CSMD1: variants seen among roughly 807,000 people sequenced by gnomAD.
CSMD1 encodes CUB and Sushi multiple domains 1.
A neutral mutation model predicts 417.5 loss-of-function variants in CSMD1; 213 were observed. The observed-to-expected ratio is 0.51, with a 90% CI of 0.46 to 0.57. The LOEUF is 0.57. Ranked by LOEUF, CSMD1 falls within the 20% of genes least tolerant of loss-of-function variation. CSMD1 has a pLI of 0.00. For synonymous variants in CSMD1, 2,862 were observed against 1,736.8 expected (o/e 1.65, Z -16.11); for missense variants, 6,923 against 4,529.7 (o/e 1.53, Z -15.17).
chr8:4,529,030 T>G (rs956743050), intron 2 of CSMD1, among the ~76,000 whole-genome samples: 1 of 152,170 alleles, frequency 6.6e-6, no homozygotes, highest in African/African-American at 2.4e-5. Context: ...TGATGATATA[T>G]GTGAGACGGT....
chr8:3,752,348 T>C (rs1406717151), intron 6 of CSMD1, among the ~76,000 whole-genome samples: 1 of 152,128 alleles, frequency 6.6e-6, no homozygotes, highest in Non-Finnish European at 1.5e-5. Context: ...ACAATGTTCC[T>C]GATGAAGTCT....
chr8:4,559,431 T>A (rs1173759414), intron 2 of CSMD1, among the ~76,000 whole-genome samples: 1 of 152,198 alleles, frequency 6.6e-6, no homozygotes, highest in Admixed American at 6.5e-5. Context: ...TTGGAGGCTT[T>A]ATGAATAAAG....
At chr8:4,704,205 G>T (rs1030387630) in intron 1 of CSMD1, among the ~76,000 whole-genome samples, 2 of 152,196 alleles carry the variant, frequency 1.3e-5, no homozygotes, top group Non-Finnish European at 2.9e-5. Flanking sequence ...TACGCTGGTA[G>T]CACCTTACAT....
At chr8:3,898,708 G>T (rs963491487) in intron 5 of CSMD1, among the ~76,000 whole-genome samples, 1 of 152,174 alleles carries the variant, frequency 6.6e-6, no homozygotes, top group African/African-American at 2.4e-5. Flanking sequence ...ATGGACAGGT[G>T]TAGGAATTCC....
At chr8:4,481,709 C>T (rs932573551) in intron 2 of CSMD1, among the ~76,000 whole-genome samples, 1 of 152,126 alleles carries the variant, frequency 6.6e-6, no homozygotes, top group Admixed American at 6.6e-5. Flanking sequence ...TGGTTTGTTC[C>T]ATATATTAGA....
chr8:4,698,295 C>G (rs1257583808), intron 1 of CSMD1, among the ~76,000 whole-genome samples: 1 of 152,088 alleles, frequency 6.6e-6, no homozygotes, highest in Non-Finnish European at 1.5e-5. Context: ...AGGCTCGTTT[C>G]AAATGAGTTT....
At chr8:4,384,992 T>G (rs1196959496) in intron 3 of CSMD1, among the ~76,000 whole-genome samples, 4 of 152,190 alleles carry the variant, frequency 2.6e-5, no homozygotes, top group African/African-American at 9.6e-5. Context: ...GCAATCTCGA[T>G]CTCGGCTCAA....
intron 3 of CSMD1, among the ~76,000 whole-genome samples, chr8:4,406,134 C>T (rs907511939): frequency 5.3e-5 from 8 of 152,172 alleles, no homozygotes; most frequent in African/African-American, 1.9e-4. Flanking sequence ...TGTCAGATGG[C>T]AGTGAGCATA....
Position 4,284,857 on chromosome 8 carries a change from CA to C in CSMD1, c.415+135095del, listed in dbSNP as rs112236122. Among the ~76,000 whole-genome samples the C allele has an allele frequency of 4.4e-3, 670 of 150,998 alleles. 5 individuals carry two copies. The highest frequency in any genetic ancestry group is 0.015 in the African/African-American group (618 of 41,178). On this transcript the variant is annotated intron_variant, in intron 3 of 69. Transcript: ENST00000635120. Reference sequence around the variant, plus strand: ...ACAAAACAAAACAAAGAAACAAAAACAAAAAAAAACTAGTTTAAAAAACACT... The same window carrying C: ...ACAAAACAAAACAAAGAAACAAAAACAAAAAAAACTAGTTTAAAAAACACT...
intron 3 of CSMD1, among the ~76,000 whole-genome samples, chr8:4,078,783 C>A (rs1039438917): frequency 6.7e-6 from 1 of 150,032 alleles, no homozygotes; most frequent in African/African-American, 2.5e-5. Context: ...CACCTGTAAT[C>A]CTAGCACTTT....
At chr8:3,695,455 A>T (rs1468812314) in intron 7 of CSMD1, among the ~76,000 whole-genome samples, 1 of 152,160 alleles carries the variant, frequency 6.6e-6, no homozygotes, top group Non-Finnish European at 1.5e-5. Flanking sequence ...TATTAATATA[A>T]AATCATGAGA....
intron 12 of CSMD1, among the ~76,000 whole-genome samples, chr8:3,462,801 T>C (rs1314068494): frequency 2.6e-5 from 4 of 152,170 alleles, no homozygotes; most frequent in African/African-American, 9.7e-5. Context: ...GGGACTCTTA[T>C]CTAAGAACCT....
chr8:4,978,240 T>G (rs1231944879), intron 1 of CSMD1, among the ~76,000 whole-genome samples: 1 of 152,156 alleles, frequency 6.6e-6, no homozygotes, highest in Non-Finnish European at 1.5e-5. Flanking sequence ...TAAGATATAA[T>G]TGCAGGTGTT....
chr8:3,987,064 A>C (rs745743419), intron 5 of CSMD1, among the ~76,000 whole-genome samples: 1 of 152,130 alleles, frequency 6.6e-6, no homozygotes, highest in Non-Finnish European at 1.5e-5. Context: ...CAAAATGTTA[A>C]AGTGATTTCT....
intron 2 of CSMD1, among the ~76,000 whole-genome samples, chr8:4,499,957 G>GA (rs1166660078): frequency 6.6e-6 from 1 of 152,022 alleles, no homozygotes; most frequent in Non-Finnish European, 1.5e-5. Flanking sequence ...TGCATGGAAA[G>GA]AAAAAAAGCA....
intron 7 of CSMD1, among the ~76,000 whole-genome samples, chr8:3,687,458 T>C (rs891418669): frequency 4.6e-4 from 70 of 152,228 alleles, no homozygotes; most frequent in African/African-American, 1.6e-3. Flanking sequence ...AGAGCCTTTA[T>C]TGAGAAAGCA....
chr8:4,017,595 C>T lies in CSMD1; in HGVS notation c.610+14310G>A, dbSNP rs117028650. Among the ~76,000 whole-genome samples the T allele has an allele frequency of 3.9e-5, 6 of 152,104 alleles. 1 individual carries two copies. Among genetic ancestry groups the T allele is most frequent in the East Asian group, 1.9e-4 (1 of 5,196 alleles). The stretch of plus-strand genomic sequence containing the variant: ...TGCTGGAATTACAGGCGTGAGCCAC[C>T]GTGCCCAGCTGCCACCTCGTTTATA... On this transcript the variant is annotated intron_variant, in intron 4 of 69. Transcript: ENST00000635120.
In CSMD1 at chr8:4,444,346, C is replaced by CAAAAAAAAAAAAA. The variant is rs112028005; in HGVS notation, c.303-24294_303-24282dup. Reference sequence around the variant, plus strand: ...TGGGCTACAGAGTGAGACTCCATCTCAAAAAAAAAAAAAAAAAAAAAAAAA... The same window carrying CAAAAAAAAAAAAA: ...TGGGCTACAGAGTGAGACTCCATCTCAAAAAAAAAAAAAAAAAAAAAAAAAAAAAAAAAAAAAA... On this transcript the variant is annotated intron_variant, in intron 2 of 69. Coordinates refer to ENST00000635120, the MANE Select transcript of CSMD1 (RefSeq NM_033225.6). 8.6e-4 allele frequency among the ~76,000 whole-genome samples: 40 copies of CAAAAAAAAAAAAA among 46,274 alleles called. 3 individuals carry two copies. Among genetic ancestry groups the CAAAAAAAAAAAAA allele is most frequent in the African/African-American group, 2.2e-3 (31 of 14,100 alleles). The allele number at this position is 46,274 out of a possible 152,430, so 30.4% of individuals were successfully genotyped here. A position where few individuals can be genotyped will look rare whatever the true frequency, so the allele number is the denominator to read the frequency against.
At chr8:3,863,991 G>T (rs745906351) in intron 5 of CSMD1, among the ~76,000 whole-genome samples, 1 of 152,132 alleles carries the variant, frequency 6.6e-6, no homozygotes, top group South Asian at 2.1e-4. Context: ...TAGGTTTGTA[G>T]AAAATTCATA....
Sources: gnomAD v4.1 joint callset for allele counts (sites outside exome capture counted in the v4.1 genomes callset) on GRCh38, gnomAD v4.1.1 for gene constraint, MANE v1.5 for transcripts, NCBI Gene and HGNC (gene_info 2026-07-23, HGNC 2026-07-21) for gene names.